RASGRF1: variants seen among roughly 807,000 people sequenced by gnomAD.
RASGRF1 encodes the protein ras-specific guanine nucleotide-releasing factor 1.
RASGRF1 carries 40 observed loss-of-function variants against 138.7 expected under a neutral mutation model. The ratio of observed to expected loss-of-function variants is 0.29; its 90% CI spans 0.22 to 0.38. The LOEUF (loss-of-function observed/expected upper bound fraction) is 0.38. Ranked by LOEUF, RASGRF1 falls within the 10% of genes least tolerant of loss-of-function variation. The pLI is 1.00. For synonymous variants in RASGRF1, 614 were observed against 663.2 expected, an observed-to-expected ratio of 0.93 and a Z score of 1.14; for missense variants, 1,108 against 1,650.4, an observed-to-expected ratio of 0.67 and a Z score of 5.69.
At chr15:78,976,618 T>C (rs1017401378) in intron 24 of RASGRF1, among the ~76,000 whole-genome samples, 2 of 151,984 alleles carry the variant, frequency 1.3e-5, no homozygotes, top group Middle Eastern at 3.4e-3. Flanking sequence ...TGGGCAAATG[T>C]ATGGAGTTGC....
intron 24 of RASGRF1, 114 bp downstream of exon 24, chr15:78,980,506 G>A: frequency 1.3e-6 from 1 of 775,828 alleles, no homozygotes. Context: ...TGGGTAGACA[G>A]ACGAACAGAC....
At chr15:79,077,908 T>C (rs1428782741) in intron 1 of RASGRF1, among the ~76,000 whole-genome samples, 1 of 5,876 alleles carries the variant, frequency 1.7e-4, no homozygotes. Context: ...AGAGAAGGGG[T>C]GGGTGGGGTG....
chr15:79,012,810 G>C (rs1244507660), intron 13 of RASGRF1, among the ~76,000 whole-genome samples: 1 of 152,162 alleles, frequency 6.6e-6, no homozygotes. Context: ...AGCCTTCTGA[G>C]TAGCTGGGAT....
At chr15:79,069,032 C>T (rs945122939) in intron 1 of RASGRF1, among the ~76,000 whole-genome samples, 1 of 152,174 alleles carries the variant, frequency 6.6e-6, no homozygotes, top group Non-Finnish European at 1.5e-5. Context: ...TCCATCCTTC[C>T]CCTCACCTAC....
At chr15:79,011,074 C>T (rs1049574509) in intron 13 of RASGRF1, among the ~76,000 whole-genome samples, 2 of 152,126 alleles carry the variant, frequency 1.3e-5, no homozygotes, top group African/African-American at 4.8e-5. Context: ...CACCTATCAC[C>T]CCTGCACCTT....
intron 5 of RASGRF1, among the ~76,000 whole-genome samples, chr15:79,037,313 A>C (rs796134889): frequency 6.6e-6 from 1 of 152,180 alleles, no homozygotes; most frequent in African/African-American, 2.4e-5. Flanking sequence ...AGCCATCCCC[A>C]ATCTTTTTGG....
chr15:78,979,312 G>A, intron 24 of RASGRF1: 1 of 752,448 alleles, frequency 1.3e-6, no homozygotes, highest in Non-Finnish European at 1.8e-6. Flanking sequence ...GGCAGACGAG[G>A]CTGGCAGAGG....
intron 5 of RASGRF1, among the ~76,000 whole-genome samples, chr15:79,036,288 T>C (rs1052044057): frequency 1.1e-4 from 16 of 152,224 alleles, no homozygotes; most frequent in Non-Finnish European, 1.9e-4. Flanking sequence ...ATAGGAAAAC[T>C]GAGGCCCAGA....
intron 1 of RASGRF1, among the ~76,000 whole-genome samples, chr15:79,078,417 C>T (rs2057869439): frequency 6.6e-6 from 1 of 152,234 alleles, no homozygotes; most frequent in Non-Finnish European, 1.5e-5. Flanking sequence ...TGCACGTGCT[C>T]ATGCCGTGGT....
intron 12 of RASGRF1, among the ~76,000 whole-genome samples, chr15:79,016,912 T>TG (rs1202185821): frequency 2.0e-5 from 3 of 152,124 alleles, no homozygotes; most frequent in Non-Finnish European, 2.9e-5. Flanking sequence ...CTCTAGACCA[T>TG]GGGGGGCCAC....
At position 79,001,751 on chromosome 15, in the gene RASGRF1, T is replaced by A. The variant is rs1361647396; in HGVS notation, c.2486A>T (p.Asp829Val). The A allele has an allele frequency of 6.2e-7, 1 of 1,608,788 alleles. No homozygotes were observed. Among genetic ancestry groups the A allele is most frequent in the Non-Finnish European group, 8.5e-7 (1 of 1,175,830 alleles). The change falls in exon 16 of 27, where the codon GAT becomes GTT. Residue 829 changes from aspartate to valine, a missense_variant. Transcript: ENST00000558480. ...ATCACCATCATCACTCTGGTTTTGA[T>A]CAATATCTGACTCCTCTCTCATGGA... ...EVSMREESDI[D>V]QNQSDDGDTE...
intron 12 of RASGRF1, 36 bp downstream of exon 12, chr15:79,017,734 G>C: frequency 6.3e-7 from 1 of 1,581,300 alleles, no homozygotes. Flanking sequence ...GGCATGAAGG[G>C]ACCACTCGCT....
intron 14 of RASGRF1, chr15:79,005,302 G>A: frequency 3.0e-6 from 3 of 985,738 alleles, no homozygotes; most frequent in Non-Finnish European, 3.6e-6. Flanking sequence ...GGTTCCTGGG[G>A]AGCCCTGGGG....
chr15:79,035,997 A>G lies in RASGRF1; in HGVS notation c.879-787T>C, dbSNP rs1017562845. On this transcript the variant is annotated intron_variant, in intron 5 of 26. Coordinates refer to ENST00000558480, the MANE Select transcript of RASGRF1 (RefSeq NM_001145648.3). Reference sequence around the variant, plus strand: ...ATTGGCAGCTTAGCGCGGGCTGGGTACAGGCAGCCACATTTGCCCGGCCTT... The same window carrying G: ...ATTGGCAGCTTAGCGCGGGCTGGGTGCAGGCAGCCACATTTGCCCGGCCTT... 2.6e-5 allele frequency among the ~76,000 whole-genome samples: 4 copies of G among 152,330 alleles called. No individual in the cohort carries two copies. In the South Asian group the frequency reaches 8.3e-4, roughly 32 times the overall value.
At chr15:79,009,387 G>A (rs2056748106) in intron 13 of RASGRF1, among the ~76,000 whole-genome samples, 1 of 152,186 alleles carries the variant, frequency 6.6e-6, no homozygotes, top group Admixed American at 6.5e-5. Context: ...TAAGGGCTAC[G>A]TCCAGCCCTG....
chr15:79,017,946 G>A (rs2304994), intron 11 of RASGRF1, 40 bp from the exon 12 acceptor site: 277,290 of 1,605,756 alleles, frequency 0.17, 25,564 homozygotes, highest in African/African-American at 0.21. Flanking sequence ...CATGAATGTG[G>A]ACGCCTTTTC....
At chr15:79,009,397 G>A (rs1398574529) in intron 13 of RASGRF1, among the ~76,000 whole-genome samples, 3 of 152,188 alleles carry the variant, frequency 2.0e-5, no homozygotes, top group African/African-American at 7.2e-5. Context: ...GTCCAGCCCT[G>A]GAGGCTGAAG....
At chr15:78,993,194 G>A (rs909189086) in intron 20 of RASGRF1, among the ~76,000 whole-genome samples, 5 of 88,604 alleles carry the variant, frequency 5.6e-5, no homozygotes, top group Admixed American at 1.9e-4. Context: ...GTGGTGTGGC[G>A]TGTGTATGTG....
chr15:79,012,934 C>G (rs1303282528), intron 13 of RASGRF1, among the ~76,000 whole-genome samples: 1 of 152,194 alleles, frequency 6.6e-6, no homozygotes, highest in Non-Finnish European at 1.5e-5. Flanking sequence ...CCACCCACCT[C>G]GGCCTCCCAA....
Sources: allele counts gnomAD v4.1 joint callset (sites outside exome capture counted in the v4.1 genomes callset), GRCh38; gene constraint gnomAD v4.1.1; transcripts MANE v1.5; gene names NCBI Gene and HGNC (gene_info 2026-07-23, HGNC 2026-07-21).